CSF1R: variants seen among roughly 807,000 people sequenced by gnomAD.
CSF1R encodes colony stimulating factor 1 receptor.
CSF1R carries 40 observed loss-of-function variants against 110.0 expected under a neutral mutation model. The ratio of observed to expected loss-of-function variants is 0.36; its 90% CI spans 0.28 to 0.47. The LOEUF (loss-of-function observed/expected upper bound fraction) is 0.47. CSF1R is among the 20% of genes least tolerant of loss of function. The pLI is 0.99. For synonymous variants in CSF1R, 523 were observed against 503.4 expected (o/e 1.04, Z -0.52); for missense variants, 1,052 against 1,253.0 (o/e 0.84, Z 2.42).
chr5:150,086,511 T>G lies in CSF1R; in HGVS notation c.-84A>C, dbSNP rs1414839213. The G allele has an allele frequency of 4.5e-6, 6 of 1,337,274 alleles. No individual in the cohort carries two copies. Among genetic ancestry groups the G allele is most frequent in the Non-Finnish European group, 6.3e-6 (6 of 948,528 alleles). The allele number at this position is 1,337,274 out of a possible 1,614,324, so 82.8% of individuals were successfully genotyped here. A position where few individuals can be genotyped will look rare whatever the true frequency, so the allele number is the denominator to read the frequency against. ...CTCTCAGCTACTAGCTCCGCAGGGA[T>G]CGGGACACTGGACACACGTTCCTCT... On this transcript the variant is annotated 5_prime_UTR_variant, in exon 1 of 21. Transcript: ENST00000675795.
chr5:150,076,872 T>C, intron 5 of CSF1R: 1 of 256,436 alleles, frequency 3.9e-6, no homozygotes, highest in South Asian at 4.8e-5. Flanking sequence ...GAAGCCTGGG[T>C]TGGGGGGACT....
At position 150,080,276 on chromosome 5, in the gene CSF1R, G is replaced by T. The variant is rs140924076; in HGVS notation, c.368C>A (p.Ala123Glu). ...GTCTGTGAGCAGACAGGGCAGTAGT[G>T]CGTCCTGGTCCTCGAACACGACCAC... Reference protein sequence around the residue: ...QEVVVFEDQDALLPCLLTDPV... With the variant: ...QEVVVFEDQDELLPCLLTDPV... The change falls in exon 3 of 21, where the codon GCA becomes GAA. Residue 123 changes from alanine (A) to glutamate (E), a missense_variant. By Grantham distance (107) the Ala-to-Glu change is moderately radical. Coordinates refer to ENST00000675795, the MANE Select transcript of CSF1R (RefSeq NM_001288705.3). 1 of 1,613,994 alleles carries T rather than the reference G, an allele frequency of 6.2e-7. No individual in the cohort carries two copies.
intron 1 of CSF1R, among the ~76,000 whole-genome samples, chr5:150,103,142 CAG>C (rs1292192072): frequency 1.3e-5 from 2 of 152,240 alleles, no homozygotes; most frequent in African/African-American, 4.8e-5. Flanking sequence ...GGGGAAGACT[CAG>C]AGCCAGAATC....
intron 14 of CSF1R, chr5:150,058,386 G>A (rs550028293): frequency 8.8e-6 from 4 of 452,646 alleles, no homozygotes; most frequent in Admixed American, 7.1e-5. Flanking sequence ...TCCCCTCTGC[G>A]CTAGAGATGT....
chr5:150,096,384 C>G (rs2113858301), intron 1 of CSF1R, among the ~76,000 whole-genome samples: 1 of 152,142 alleles, frequency 6.6e-6, no homozygotes, highest in South Asian at 2.1e-4. Context: ...GACTGAAACT[C>G]CATCTCAAAA....
chr5:150,099,224 A>G (rs1456217996), intron 1 of CSF1R, among the ~76,000 whole-genome samples: 3 of 152,042 alleles, frequency 2.0e-5, no homozygotes, highest in African/African-American at 7.2e-5. Context: ...AACTATTAAT[A>G]GAACTCTCAT....
At chr5:150,106,561 A>G (rs1330388176) in intron 1 of CSF1R, among the ~76,000 whole-genome samples, 1 of 152,184 alleles carries the variant, frequency 6.6e-6, no homozygotes, top group Non-Finnish European at 1.5e-5. Flanking sequence ...CCTGGACCAC[A>G]AAGGTTCGAC....
chr5:150,057,202 G>GT, intron 16 of CSF1R, 85 bp downstream of exon 16: 1 of 1,200,030 alleles, frequency 8.3e-7, no homozygotes, highest in Non-Finnish European at 1.2e-6. Context: ...ACAGGCTCCC[G>GT]TTTCCTCCTC....
chr5:150,093,008 C>A (rs1308517994), intron 1 of CSF1R, among the ~76,000 whole-genome samples: 1 of 152,128 alleles, frequency 6.6e-6, no homozygotes, highest in African/African-American at 2.4e-5. Flanking sequence ...TAAGGGGGAA[C>A]TACTGCACTA....
intron 1 of CSF1R, among the ~76,000 whole-genome samples, chr5:150,107,052 A>G (rs2113869143): frequency 6.6e-6 from 1 of 152,340 alleles, no homozygotes. Flanking sequence ...CTGGCAGATG[A>G]GTGCTCAGTC....
chr5:150,061,716 A>G lies in CSF1R; in HGVS notation c.1753+7T>C, dbSNP rs553205005. 9.9e-5 allele frequency: 160 copies of G among 1,614,168 alleles called. 1 individual carries two copies. The South Asian group carries it at 1.6e-3, about 16-fold the overall frequency. On this transcript the variant is annotated splice_region_variant and intron_variant, in intron 11 of 20. Coordinates refer to ENST00000675795, the MANE Select transcript of CSF1R (RefSeq NM_001288705.3). Reference sequence around the variant, plus strand: ...GGAAGCTGTGGAGTGATGAGCTGCCATCTCACCAAACTGCAGGTTGTTCCG... The same window carrying G: ...GGAAGCTGTGGAGTGATGAGCTGCCGTCTCACCAAACTGCAGGTTGTTCCG...
At chr5:150,055,109 C>G (rs1757143995) in intron 19 of CSF1R, 128 bp downstream of exon 19, 1 of 768,738 alleles carries the variant, frequency 1.3e-6, no homozygotes, top group Non-Finnish European at 2.2e-6. Context: ...GTTGTGTCCA[C>G]TATGGGAGAG....
chr5:150,086,732 AGT>A (rs1328740724), upstream of CSF1R: 4 of 375,488 alleles, frequency 1.1e-5, no homozygotes, highest in Non-Finnish European at 1.5e-5. Context: ...GAGCTAGCTA[AGT>A]TTGGGGCCCT....
intron 1 of CSF1R, among the ~76,000 whole-genome samples, chr5:150,084,343 AAAAGAAAGAAAGAAAGAAAG>A (rs747780303): frequency 2.4e-5 from 2 of 84,452 alleles, no homozygotes; most frequent in African/African-American, 4.2e-5. Flanking sequence ...AAAGATAGAA[AAAAGAAAGAAAGAAAGAAAG>A]AAAGAAAGAA....
chr5:150,086,533 C>G lies in CSF1R; in HGVS notation c.-106G>C. The G allele has an allele frequency of 9.5e-7, 1 of 1,056,080 alleles. No individual in the cohort carries two copies. The highest frequency in any genetic ancestry group is 1.4e-6 in the Non-Finnish European group (1 of 699,756). The allele number at this position is 1,056,080 out of a possible 1,614,324, so 65.4% of individuals were successfully genotyped here. The stretch of plus-strand genomic sequence containing the variant: ...GGATCGGGACACTGGACACACGTTC[C>G]TCTCCTCTGCACTGGCTGTTTGTCT... On this transcript the variant is annotated 5_prime_UTR_variant, in exon 1 of 21. Transcript: ENST00000675795.
chr5:150,093,283 T>C (rs550751943), intron 1 of CSF1R, among the ~76,000 whole-genome samples: 1 of 152,184 alleles, frequency 6.6e-6, no homozygotes, highest in African/African-American at 2.4e-5. Flanking sequence ...TTCACCATGT[T>C]GGCTAAGCTG....
upstream of CSF1R, among the ~76,000 whole-genome samples, chr5:150,088,231 A>T (rs527477873): frequency 2.6e-5 from 4 of 152,352 alleles, no homozygotes; most frequent in South Asian, 8.3e-4. Flanking sequence ...AAGCTGACTC[A>T]AGAAGAAAAA....
upstream of CSF1R, chr5:150,086,574 C>A: frequency 1.5e-6 from 1 of 676,656 alleles, no homozygotes; most frequent in Admixed American, 2.6e-5. Flanking sequence ...TCCTCTTCCT[C>A]CTCCTTGGGC....
upstream of CSF1R, among the ~76,000 whole-genome samples, chr5:150,088,441 G>C (rs1380813245): frequency 4.0e-5 from 6 of 151,618 alleles, no homozygotes; most frequent in African/African-American, 1.5e-4. Flanking sequence ...GACATTGCCA[G>C]AAAAGATAAC....
Sources: allele counts gnomAD v4.1 joint callset (sites outside exome capture counted in the v4.1 genomes callset), GRCh38; gene constraint gnomAD v4.1.1; transcripts MANE v1.5; gene names NCBI Gene and HGNC (gene_info 2026-07-23, HGNC 2026-07-21).